The following ZKSCAN2 variants were observed in gnomAD, a reference collection of about 807,000 sequenced individuals.
ZKSCAN2 encodes the protein zinc finger with KRAB and SCAN domains 2, also known as zinc finger protein with KRAB and SCAN domains 2.
Under a neutral mutation model 90.5 loss-of-function variants are expected in ZKSCAN2, and 38 were observed. That is an observed-to-expected ratio of 0.42 (90% CI 0.32 to 0.55). The LOEUF is 0.55. Ranked by LOEUF, ZKSCAN2 falls within the 20% of genes least tolerant of loss-of-function variation. The pLI is 0.11. For missense variants in ZKSCAN2, 1,167 were observed against 1,202.6 expected, an observed-to-expected ratio of 0.97 and a Z score of 0.44; for synonymous variants, 429 against 421.6, an observed-to-expected ratio of 1.02 and a Z score of -0.22.
In ZKSCAN2 at chr16:25,239,999, T is replaced by G. The variant is rs781233246; in HGVS notation, c.2721A>C (p.Arg907Ser). Residue 907 changes from arginine to serine, a missense_variant, in exon 7 of 7, where the codon AGA (arginine) becomes AGC (serine). Physicochemically the swap from Arg to Ser is moderately radical, Grantham distance 110. Transcript: ENST00000328086. ...NNCTRFREHR[R>S]IHTGEKPYGC... ...CATAGGGCTTCTCTCCAGTGTGTAT[T>G]CTCCGATGTTCTCGAAATCTCGTAC... 6 of 1,614,060 alleles carry G rather than the reference T, an allele frequency of 3.7e-6. No individual in the cohort carries two copies. The highest frequency in any genetic ancestry group is 4.2e-6 in the Non-Finnish European group (5 of 1,179,972).
At position 25,256,928 on chromosome 16, in the gene ZKSCAN2, CAGAGTTTACTG is replaced by C; in HGVS notation, c.189_199del (p.Phe63LeufsTer20). Reference sequence around the variant, plus strand: ...CTTCAGCCACCGGCAGCAAAGTTCCCAGAGTTTACTGAAAGCTTCATGGGGTCCAGTCACAT... The same window carrying C: ...CTTCAGCCACCGGCAGCAAAGTTCCCAAAGCTTCATGGGGTCCAGTCACAT... On this transcript the variant is annotated frameshift_variant, in exon 1 of 7. Coordinates refer to ENST00000328086, the MANE Select transcript of ZKSCAN2 (RefSeq NM_001012981.5). LOFTEE classifies it high-confidence loss of function. 6.2e-7 allele frequency: 1 copy of C among 1,614,222 alleles called. No individual in the cohort carries two copies. The highest frequency in any genetic ancestry group is 8.5e-7 in the Non-Finnish European group (1 of 1,180,030).
chr16:25,242,925 C>T (rs943528630), intron 6 of ZKSCAN2, among the ~76,000 whole-genome samples: 1 of 152,108 alleles, frequency 6.6e-6, no homozygotes, highest in Admixed American at 6.5e-5. Context: ...TGGATGAGGG[C>T]GGGAGCCCAC....
Position 25,257,261 on chromosome 16 carries a change from G to T in ZKSCAN2, c.-134C>A, listed in dbSNP as rs1041687212. 2.0e-5 allele frequency: 30 copies of T among 1,486,694 alleles called. No homozygotes were observed. In the East Asian group the frequency reaches 6.0e-4, roughly 30 times the overall value. The allele number at this position is 1,486,694 out of a possible 1,614,324, so 92.1% of individuals were successfully genotyped here. On this transcript the variant is annotated 5_prime_UTR_variant, in exon 1 of 7. Coordinates refer to ENST00000328086, the MANE Select transcript of ZKSCAN2 (RefSeq NM_001012981.5). ...AAAACGGCCAGGTCGGCAGGAACAGGGTATTCCAGGCTGATTAATCAAATC... is the reference window on the plus strand; with the variant it reads ...AAAACGGCCAGGTCGGCAGGAACAGTGTATTCCAGGCTGATTAATCAAATC...
At position 25,257,136 on chromosome 16, in the gene ZKSCAN2, C is replaced by G; in HGVS notation, c.-9G>C. 6.3e-7 allele frequency: 1 copy of G among 1,580,004 alleles called. No homozygotes were observed. The highest frequency in any genetic ancestry group is 8.6e-7 in the Non-Finnish European group (1 of 1,163,460). On this transcript the variant is annotated 5_prime_UTR_variant, in exon 1 of 7. Coordinates refer to ENST00000328086, the MANE Select transcript of ZKSCAN2 (RefSeq NM_001012981.5). ...TCGAGGGCGACAGCCATGCTGCAGC[C>G]CAGGGGTCAACTTCACGTCTAGCTC...
intron 3 of ZKSCAN2, 103 bp from the exon 4 acceptor site, chr16:25,252,138 C>G: frequency 3.7e-6 from 5 of 1,343,832 alleles, no homozygotes; most frequent in Non-Finnish European, 4.1e-6. Flanking sequence ...GAACTGAAAT[C>G]AAGGAACAAG....
At chr16:25,242,118 G>T (rs544302110) in intron 6 of ZKSCAN2, among the ~76,000 whole-genome samples, 10 of 152,250 alleles carry the variant, frequency 6.6e-5, no homozygotes, top group Middle Eastern at 6.8e-3. Flanking sequence ...TCCCACCTTG[G>T]CCTCCCAAAG....
chr16:25,246,860 TGG>T lies in ZKSCAN2; in HGVS notation c.1334_1335del (p.Pro445GlnfsTer10). The T allele has an allele frequency of 6.2e-7, 1 of 1,614,228 alleles. No individual in the cohort carries two copies. Among genetic ancestry groups the T allele is most frequent in the Non-Finnish European group, 8.5e-7 (1 of 1,180,042 alleles). ...GCACTGATGGCAATTCTCTTCAGTC[TGG>T]GGACAGGTATCATCTCCTTTGGTTT... ...TDKPKEMIPV[P>X]RLKRIAISAK... On this transcript the variant is annotated frameshift_variant, in exon 5 of 7. Coordinates refer to ENST00000328086, the MANE Select transcript of ZKSCAN2 (RefSeq NM_001012981.5). LOFTEE classifies it high-confidence loss of function.
Position 25,240,262 on chromosome 16 carries a change from C to T in ZKSCAN2, c.2458G>A (p.Ala820Thr), listed in dbSNP as rs768711275. The part of the protein sequence containing the change: ...KSFNDSSNFG[A>T]HQRIHTGEKP... Reference sequence around the variant, plus strand: ...TCTCCTGTGTGGATTCTCTGGTGGGCACCAAAATTTGAGGAGTCATTAAAG... The same window carrying T: ...TCTCCTGTGTGGATTCTCTGGTGGGTACCAAAATTTGAGGAGTCATTAAAG... Residue 820 changes from alanine (A) to threonine (T), a missense_variant, in exon 7 of 7, where the codon GCC (alanine) becomes ACC (threonine). Physicochemically the swap from Ala to Thr is moderately conservative, Grantham distance 58. Transcript: ENST00000328086. 2.5e-6 allele frequency: 4 copies of T among 1,613,916 alleles called. No individual in the cohort carries two copies. The highest frequency in any genetic ancestry group is 3.4e-6 in the Non-Finnish European group (4 of 1,180,022).
Position 25,256,845 on chromosome 16 carries a change from T to C in ZKSCAN2, c.283A>G (p.Thr95Ala), listed in dbSNP as rs764468680. ...GCCTGAATCTTCTCGGGTAAAATGG[T>C]GAGAAACTGCTCAATCACCAGCAGC... ...LELLVIEQFL[T>A]ILPEKIQAWA... The change falls in exon 1 of 7, where the codon ACC becomes GCC. Residue 95 changes from threonine to alanine, a missense_variant. Physicochemically the swap from Thr to Ala is moderately conservative, Grantham distance 58. Transcript: ENST00000328086. 5.8e-5 allele frequency: 93 copies of C among 1,614,094 alleles called. No homozygotes were observed. The highest frequency in any genetic ancestry group is 7.5e-5 in the Non-Finnish European group (89 of 1,180,054).
Position 25,246,811 on chromosome 16 carries a change from T to C in ZKSCAN2, c.1385A>G (p.Glu462Gly), listed in dbSNP as rs1567352120. 1.2e-6 allele frequency: 2 copies of C among 1,614,180 alleles called. No homozygotes were observed. The highest frequency in any genetic ancestry group is 1.7e-6 in the Non-Finnish European group (2 of 1,180,028). Reference sequence around the variant, plus strand: ...AGAATCTTCTGCAGCTTCCTCCTCCTCCACCAAGCTGATGTGTTCCTTAGC... The same window carrying C: ...AGAATCTTCTGCAGCTTCCTCCTCCCCCACCAAGCTGATGTGTTCCTTAGC... ...ISAKEHISLV[E>G]EEEAAEDSDD... Residue 462 changes from glutamate (E) to glycine (G), a missense_variant, in exon 5 of 7, where the codon GAG becomes GGG. Glu to Gly is a moderately conservative substitution (Grantham distance 98, BLOSUM62 -2). Coordinates refer to ENST00000328086, the MANE Select transcript of ZKSCAN2 (RefSeq NM_001012981.5).
intron 6 of ZKSCAN2, 29 bp downstream of exon 6, chr16:25,243,756 G>GATTAAA: frequency 1.0e-6 from 1 of 976,370 alleles, no homozygotes; most frequent in Non-Finnish European, 1.3e-6. Flanking sequence ...TCCTCTTTTG[G>GATTAAA]ACTAAAACTC....
In ZKSCAN2 at chr16:25,240,286, A is replaced by AG; in HGVS notation, c.2433dup (p.Phe812LeufsTer2). 1 of 1,614,088 alleles carries AG rather than the reference A, an allele frequency of 6.2e-7. No homozygotes were observed. Among genetic ancestry groups the AG allele is most frequent in the Non-Finnish European group, 8.5e-7 (1 of 1,180,028 alleles). ...GCACCAAAATTTGAGGAGTCATTAA[A>AG]GCTTTTTCCACAGTCAAGACATTTA... is the stretch of plus-strand genomic sequence containing the variant. On this transcript the variant is annotated frameshift_variant, in exon 7 of 7. Transcript: ENST00000328086. LOFTEE classifies it high-confidence loss of function.
In ZKSCAN2 at chr16:25,247,162, T is replaced by C; in HGVS notation, c.1034A>G (p.Tyr345Cys). The C allele has an allele frequency of 1.2e-6, 2 of 1,614,214 alleles. No homozygotes were observed. Among genetic ancestry groups the C allele is most frequent in the Non-Finnish European group, 1.7e-6 (2 of 1,180,032 alleles). The stretch of plus-strand genomic sequence containing the variant: ...TGCCAGGAAAGTCTTTGTTTCCTCA[T>C]AGCTCCAATGCACACCTGCTATCTT... ...DEKIAGVHWS[Y>C]EETKTFLAIL... Residue 345 changes from tyrosine to cysteine, a missense_variant, in exon 5 of 7, where the codon TAT (tyrosine) becomes TGT (cysteine). Coordinates refer to ENST00000328086, the MANE Select transcript of ZKSCAN2 (RefSeq NM_001012981.5).
At chr16:25,241,200 T>A (rs992697222) in intron 6 of ZKSCAN2, among the ~76,000 whole-genome samples, 1 of 152,238 alleles carries the variant, frequency 6.6e-6, no homozygotes, top group Non-Finnish European at 1.5e-5. Context: ...TTTTCAAATG[T>A]TCTTCTCACT....
chr16:25,243,800 G>A lies in ZKSCAN2; in HGVS notation c.1966C>T (p.Leu656=), dbSNP rs1597640809. ...EPEFQGPPGL[L]QSPNDFEIGS... ...TGCACCTTACCATTTGGGCTCTGCA[G>A]TAGACCTGGAGGTCCCTGGAACTCT... The change falls in exon 6 of 7, where the codon CTG becomes TTG. Residue 656 remains leucine (L), a synonymous_variant. Transcript: ENST00000328086. 3 of 1,473,186 alleles carry A rather than the reference G, an allele frequency of 2.0e-6. No individual in the cohort carries two copies. The highest frequency in any genetic ancestry group is 2.7e-6 in the Non-Finnish European group (3 of 1,094,600). 91.3% of individuals were successfully genotyped at this position (1,473,186 alleles called of 1,614,324 possible).
rs878895014 is a variant in ZKSCAN2 at position 25,239,952 on chromosome 16, C to T, written c.2768G>A (p.Arg923His). Reference protein sequence around the residue: ...KPYGCAQCGKRFSKSSVLTKH... With the variant: ...KPYGCAQCGKHFSKSSVLTKH... ...GGTAAGAACAGAACTCTTACTGAAA[C>T]GTTTGCCACACTGGGCACATCCATA... The change falls in exon 7 of 7, where the codon CGT becomes CAT. Residue 923 changes from arginine (R) to histidine (H), a missense_variant. By Grantham distance (29) the Arg-to-His change is conservative. Transcript: ENST00000328086. 1.1e-5 allele frequency: 18 copies of T among 1,614,172 alleles called. No homozygotes were observed. The highest frequency in any genetic ancestry group is 1.7e-5 in the Admixed American group (1 of 60,010).
At chr16:25,241,495 T>C (rs1247587983) in intron 6 of ZKSCAN2, among the ~76,000 whole-genome samples, 2 of 152,244 alleles carry the variant, frequency 1.3e-5, no homozygotes, top group Non-Finnish European at 2.9e-5. Flanking sequence ...TGGAGAACAG[T>C]ATGTATAATG....
At position 25,248,978 on chromosome 16, in the gene ZKSCAN2, G is replaced by A. The variant is rs530884708; in HGVS notation, c.806-1588C>T. Among the ~76,000 whole-genome samples the A allele has an allele frequency of 6.6e-5, 10 of 152,264 alleles. No homozygotes were observed. The South Asian group carries it at 1.0e-3, about 16-fold the overall frequency. On this transcript the variant is annotated intron_variant, in intron 4 of 6. Coordinates refer to ENST00000328086, the MANE Select transcript of ZKSCAN2 (RefSeq NM_001012981.5). ...AAAAAAGAAGAAAATTCTGCCTTTTGCAACAACATGGACGAACATGGAGAA... is the reference window on the plus strand; with the variant it reads ...AAAAAAGAAGAAAATTCTGCCTTTTACAACAACATGGACGAACATGGAGAA...
chr16:25,252,874 C>T (rs556589068), intron 3 of ZKSCAN2, 72 bp downstream of exon 3: 15 of 1,254,176 alleles, frequency 1.2e-5, no homozygotes, highest in East Asian at 2.4e-5. Context: ...GCTGAGATTG[C>T]GCCACTGTAC....
Sources: gnomAD v4.1 joint callset for allele counts (sites outside exome capture counted in the v4.1 genomes callset) on GRCh38, gnomAD v4.1.1 for gene constraint, MANE v1.5 for transcripts, NCBI Gene and HGNC (gene_info 2026-07-23, HGNC 2026-07-21) for gene names.